The following PGK1 variants were observed in gnomAD, a reference collection of about 807,000 sequenced individuals.
The protein encoded by PGK1 is phosphoglycerate kinase 1, also known as PRP 2.
PGK1 carries 3 observed loss-of-function variants against 26.9 expected under a neutral mutation model. The observed-to-expected ratio is 0.11, with a 90% CI of 0.05 to 0.29. The LOEUF (loss-of-function observed/expected upper bound fraction) is 0.29, where lower values mean the gene tolerates loss of function less well. Among genes scored for constraint, PGK1 ranks in the 10% least tolerant of loss-of-function variants. The probability of loss-of-function intolerance (pLI) is 1.00; values close to 1 mark genes in which losing one functional copy is unlikely to be tolerated. For synonymous variants in PGK1, 125 were observed against 115.3 expected, an observed-to-expected ratio of 1.08 and a Z score of -0.54; for missense variants, 270 against 314.7, an observed-to-expected ratio of 0.86 and a Z score of 1.07.
intron 1 of PGK1, among the ~76,000 whole-genome samples, chrX:78,107,742 G>A (rs1313510679): frequency 9.0e-6 from 1 of 111,463 alleles, no homozygotes; most frequent in Non-Finnish European, 1.9e-5. Context: ...TTTTTCATGG[G>A]TAAACACCTA....
rs2078374214 is a variant in PGK1 at position 78,124,818 on chromosome X, G to C, written c.937-56G>C. The C allele has an allele frequency of 3.3e-5, 33 of 1,012,975 alleles. No individual in the cohort carries two copies. The South Asian group carries it at 6.3e-4, about 19-fold the overall frequency. The allele number at this position is 1,012,975 out of a possible 1,213,427, so 83.5% of individuals were successfully genotyped here. A position where few individuals can be genotyped will look rare whatever the true frequency, so the allele number is the denominator to read the frequency against. On this transcript the variant is annotated intron_variant, in intron 8 of 10. Coordinates refer to ENST00000373316, the MANE Select transcript of PGK1 (RefSeq NM_000291.4). ...CCTGAGTTCTGGTCTTGGTGGAGGTGGTGTTTAAGTAGCTTTTCTTGATAG... is the reference window on the plus strand; with the variant it reads ...CCTGAGTTCTGGTCTTGGTGGAGGTCGTGTTTAAGTAGCTTTTCTTGATAG...
chrX:78,109,507 G>A (rs2078289226), intron 1 of PGK1, among the ~76,000 whole-genome samples: 1 of 110,323 alleles, frequency 9.1e-6, no homozygotes, highest in Non-Finnish European at 1.9e-5. Context: ...GATCTTCAGG[G>A]CTAGTTCCTG....
In PGK1 at chrX:78,104,269, C is replaced by T. The variant is rs988767849; in HGVS notation, c.-72C>T. 1.3e-5 allele frequency: 10 copies of T among 798,200 alleles called. No homozygotes were observed. The highest frequency in any genetic ancestry group is 2.3e-5 in the Admixed American group (1 of 43,287). 65.8% of individuals were successfully genotyped at this position (798,200 alleles called of 1,213,427 possible). ...CGGTGTTCCGCATTCTGCAAGCCTC[C>T]GGAGCGCACGTCGGCAGTCGGCTCC... is the stretch of plus-strand genomic sequence containing the variant. On this transcript the variant is annotated 5_prime_UTR_variant, in exon 1 of 11. Transcript: ENST00000373316.
chrX:78,126,026 C>T lies in PGK1; in HGVS notation c.*196C>T. 2.1e-6 allele frequency: 1 copy of T among 474,422 alleles called. No homozygotes were observed. Among genetic ancestry groups the T allele is most frequent in the Non-Finnish European group, 3.7e-6 (1 of 267,440 alleles). The allele number at this position is 474,422 out of a possible 1,213,427, so 39.1% of individuals were successfully genotyped here. ...GCACCCTGGATTTGCATACATTCTT[C>T]AAGATCCCATTTGAATTTTTTAGTG... On this transcript the variant is annotated 3_prime_UTR_variant, in exon 11 of 11. Coordinates refer to ENST00000373316, the MANE Select transcript of PGK1 (RefSeq NM_000291.4).
At chrX:78,113,955 C>T (rs1187555155) in intron 3 of PGK1, 56 bp downstream of exon 3, 5 of 1,201,661 alleles carry the variant, frequency 4.2e-6, no homozygotes, top group African/African-American at 3.5e-5. Flanking sequence ...TTGTCAAGCA[C>T]GTTGTTACTG....
At chrX:78,115,265 T>C (rs1557247346) in intron 4 of PGK1, among the ~76,000 whole-genome samples, 1 of 111,798 alleles carries the variant, frequency 8.9e-6, no homozygotes, top group Admixed American at 9.5e-5. Context: ...GCTGACTATG[T>C]AGTCTATGAC....
chrX:78,110,999 A>G (rs1452702315), intron 2 of PGK1, among the ~76,000 whole-genome samples: 1 of 108,942 alleles, frequency 9.2e-6, no homozygotes, highest in South Asian at 3.8e-4. Context: ...ATATATATAT[A>G]TGGGTTACAT....
rs72317989 is a variant in PGK1, at chrX:78,129,015, C to CA, written c.*3186dup. 29,571 of 110,631 alleles carry CA rather than the reference C, an allele frequency of 0.27. 3,030 individuals carry two copies. The highest frequency in any genetic ancestry group is 0.38 in the East Asian group (1,318 of 3,449). 9.1% of individuals were successfully genotyped at this position (110,631 alleles called of 1,213,427 possible). A position where few individuals can be genotyped will look rare whatever the true frequency, so the allele number is the denominator to read the frequency against. ...AGGAGATTGAGACCATCCTGGCTAA[C>CA]ACGGTGAAACCCTGTCTCTACTAAA... On this transcript the variant is annotated 3_prime_UTR_variant, in exon 11 of 11. Coordinates refer to ENST00000373316, the MANE Select transcript of PGK1 (RefSeq NM_000291.4).
intron 1 of PGK1, among the ~76,000 whole-genome samples, chrX:78,105,500 T>C (rs782619841): frequency 8.9e-6 from 1 of 111,832 alleles, no homozygotes; most frequent in South Asian, 3.7e-4. Context: ...TGGTGTAATC[T>C]AGCCCCTTTT....
chrX:78,116,331 C>T (rs1212049429), intron 4 of PGK1, among the ~76,000 whole-genome samples: 17 of 112,172 alleles, frequency 1.5e-4, no homozygotes, highest in African/African-American at 5.5e-4. Flanking sequence ...ATCTTCCAAT[C>T]ACTAGTGGCA....
chrX:78,109,682 G>A (rs1401842224), intron 1 of PGK1, among the ~76,000 whole-genome samples, 185 bp from the exon 2 acceptor site: 2 of 111,208 alleles, frequency 1.8e-5, no homozygotes, highest in East Asian at 2.8e-4. Context: ...CTCTGGTGTC[G>A]TTATCCCAGT....
In PGK1 at chrX:78,104,424, C is replaced by T. The variant is rs1557245944; in HGVS notation, c.65+19C>T. ...TTATGAGGTAATTCTGCACGTTTGC[C>T]CGCGTGCTCTCTGTGCTCTGTCGCA... On this transcript the variant is annotated intron_variant, in intron 1 of 10. Coordinates refer to ENST00000373316, the MANE Select transcript of PGK1 (RefSeq NM_000291.4). The T allele has an allele frequency of 8.8e-7, 1 of 1,135,552 alleles. No homozygotes were observed. Among genetic ancestry groups the T allele is most frequent in the Non-Finnish European group, 1.2e-6 (1 of 826,013 alleles). 93.6% of individuals were successfully genotyped at this position (1,135,552 alleles called of 1,213,427 possible).
chrX:78,107,971 A>G (rs782624807), intron 1 of PGK1, among the ~76,000 whole-genome samples: 1 of 111,473 alleles, frequency 9.0e-6, no homozygotes, highest in South Asian at 3.7e-4. Context: ...CGAAAAAAAA[A>G]AAAAAGAAAA....
chrX:78,124,187 C>G (rs1026073972), intron 8 of PGK1, among the ~76,000 whole-genome samples: 3 of 111,748 alleles, frequency 2.7e-5, no homozygotes, highest in Non-Finnish European at 3.8e-5. Context: ...TTTTTACATG[C>G]TAGTTTGCTT....
chrX:78,106,406 C>A (rs781915029), intron 1 of PGK1: 6 of 748,791 alleles, frequency 8.0e-6, no homozygotes, highest in Non-Finnish European at 7.9e-6. Context: ...CAGGAAGTTA[C>A]ATGGTTCCCT....
intron 2 of PGK1, among the ~76,000 whole-genome samples, chrX:78,112,403 T>C (rs1569550792): frequency 2.7e-5 from 3 of 112,677 alleles, no homozygotes. Context: ...TTTAATTTCT[T>C]ATAAACTGGC....
intron 5 of PGK1, 83 bp downstream of exon 5, chrX:78,117,498 G>C (rs2078332466): frequency 1.5e-6 from 1 of 649,178 alleles, no homozygotes; most frequent in East Asian, 3.3e-5. Context: ...TGTTTTTGGA[G>C]AGTTTTGTAT....
In PGK1 at chrX:78,117,548, A is replaced by G. The variant is rs2073175; in HGVS notation, c.521+133A>G. On this transcript the variant is annotated intron_variant, in intron 5 of 10. Coordinates refer to ENST00000373316, the MANE Select transcript of PGK1 (RefSeq NM_000291.4). ...TTCAGCTTCTCTAATTGGAACTGCC[A>G]CTATGGCTCTTGTTGAGTAGCTCTC... The G allele has an allele frequency of 1.5e-3, 750 of 515,867 alleles. 12 individuals are homozygous for G. The East Asian group carries it at 0.027, about 18-fold the overall frequency. 42.5% of individuals were successfully genotyped at this position (515,867 alleles called of 1,213,427 possible). A position where few individuals can be genotyped will look rare whatever the true frequency, so the allele number is the denominator to read the frequency against.
At chrX:78,114,282 C>A (rs2078315840) in intron 4 of PGK1, 122 bp downstream of exon 4, 2 of 707,755 alleles carry the variant, frequency 2.8e-6, no homozygotes, top group Non-Finnish European at 4.5e-6. Context: ...GCATACAATG[C>A]CGACACAGCT....
Sources: allele counts gnomAD v4.1 joint callset (sites outside exome capture counted in the v4.1 genomes callset), GRCh38; gene constraint gnomAD v4.1.1; transcripts MANE v1.5; gene names NCBI Gene and HGNC (gene_info 2026-07-23, HGNC 2026-07-21).